EPHX4: variants seen among roughly 807,000 people sequenced by gnomAD.
EPHX4 encodes the protein epoxide hydrolase 4.
Under a neutral mutation model 44.9 loss-of-function variants are expected in EPHX4, and 31 were observed. That is an observed-to-expected ratio of 0.69 (90% CI 0.52 to 0.93). The LOEUF is 0.93. Among genes scored for constraint, EPHX4 ranks in the 40% least tolerant of loss-of-function variants. The pLI, the probability that EPHX4 is intolerant of heterozygous loss-of-function variation, is 0.00. For missense variants in EPHX4, 373 were observed against 438.1 expected (o/e 0.85, Z 1.33); for synonymous variants, 151 against 159.7 (o/e 0.95, Z 0.41).
intron 6 of EPHX4, among the ~76,000 whole-genome samples, chr1:92,060,860 T>C (rs1453027693): frequency 6.6e-6 from 1 of 152,018 alleles, no homozygotes; most frequent in East Asian, 1.9e-4. Context: ...TGCTCTAGAA[T>C]GTAAGTGGCT....
intron 2 of EPHX4, among the ~76,000 whole-genome samples, chr1:92,037,360 A>G (rs137898769): frequency 4.9e-4 from 75 of 152,354 alleles, no homozygotes; most frequent in Non-Finnish European, 9.1e-4. Context: ...GCTGTTACAC[A>G]GCAACAATAA....
chr1:92,039,763 C>G (rs1404986378), intron 2 of EPHX4, among the ~76,000 whole-genome samples: 5 of 152,068 alleles, frequency 3.3e-5, no homozygotes, highest in Non-Finnish European at 5.9e-5. Flanking sequence ...AAGCGATTCT[C>G]CTGCCTCAGC....
At position 92,055,012 on chromosome 1, in the gene EPHX4, G is replaced by A. The variant is rs1442442380; in HGVS notation, c.857+2354G>A. ...TGTATATATATGCTAATAATTTTTT[G>A]TGATAAAATAATAGAAATAGAATAG... On this transcript the variant is annotated intron_variant, in intron 6 of 6. Coordinates refer to ENST00000370383, the MANE Select transcript of EPHX4 (RefSeq NM_173567.5). 2.0e-5 allele frequency among the ~76,000 whole-genome samples: 3 copies of A among 152,148 alleles called. No homozygotes were observed. In the East Asian group the frequency reaches 5.8e-4, roughly 29 times the overall value.
At chr1:92,033,555 C>A (rs1445374029) in intron 2 of EPHX4, among the ~76,000 whole-genome samples, 2 of 152,008 alleles carry the variant, frequency 1.3e-5, no homozygotes, top group African/African-American at 4.8e-5. Context: ...CTTATGGAAA[C>A]TGAAAATGAA....
chr1:92,051,404 A>T (rs1189613045), intron 5 of EPHX4, among the ~76,000 whole-genome samples: 1 of 152,098 alleles, frequency 6.6e-6, no homozygotes, highest in African/African-American at 2.4e-5. Context: ...CCTTGTATTT[A>T]GTTGTTATGG....
chr1:92,055,079 G>C (rs1380963861), intron 6 of EPHX4, among the ~76,000 whole-genome samples: 4 of 152,058 alleles, frequency 2.6e-5, no homozygotes, highest in Non-Finnish European at 5.9e-5. Flanking sequence ...AAAATGATCA[G>C]TTAAAAACTG....
intron 2 of EPHX4, among the ~76,000 whole-genome samples, chr1:92,036,550 A>G (rs1688439887): frequency 6.6e-6 from 1 of 152,202 alleles, no homozygotes; most frequent in South Asian, 2.1e-4. Context: ...GTTTTTGGGA[A>G]GCTCCTAGAA....
chr1:92,060,118 T>A (rs1647463059), intron 6 of EPHX4, among the ~76,000 whole-genome samples: 1 of 151,972 alleles, frequency 6.6e-6, no homozygotes. Context: ...TGCAATATCA[T>A]AAGGTTATTG....
chr1:92,032,478 C>G, intron 1 of EPHX4, 27 bp from the exon 2 acceptor site: 2 of 1,575,838 alleles, frequency 1.3e-6, no homozygotes, highest in Non-Finnish European at 1.7e-6. Flanking sequence ...ACAAACATCA[C>G]TAAAATTCCA....
chr1:92,043,599 C>T (rs1688543083), intron 3 of EPHX4: 1 of 152,094 alleles, frequency 6.6e-6, no homozygotes, highest in Non-Finnish European at 1.5e-5. Flanking sequence ...GATGCACTTG[C>T]ATTATTTCTG....
In EPHX4 at chr1:92,039,037, A is replaced by G. The variant is rs145231689; in HGVS notation, c.318-3786A>G. 4.8e-4 allele frequency among the ~76,000 whole-genome samples: 73 copies of G among 152,362 alleles called. 1 individual carries two copies. The East Asian group carries it at 0.014, about 29-fold the overall frequency. On this transcript the variant is annotated intron_variant, in intron 2 of 6. Coordinates refer to ENST00000370383, the MANE Select transcript of EPHX4 (RefSeq NM_173567.5). Reference sequence around the variant, plus strand: ...AGATCAATATTACCATACAAGAAGCACTTAGAATTGGGCCTGGTATGTAGT... The same window carrying G: ...AGATCAATATTACCATACAAGAAGCGCTTAGAATTGGGCCTGGTATGTAGT...
At chr1:92,031,096 T>G (rs1407751921) in intron 1 of EPHX4, among the ~76,000 whole-genome samples, 2 of 152,164 alleles carry the variant, frequency 1.3e-5, no homozygotes. Flanking sequence ...ACCAAGTCCT[T>G]ATTTCCTGTT....
At chr1:92,062,979 C>T in intron 6 of EPHX4, 76 bp from the exon 7 acceptor site, 1 of 1,264,614 alleles carries the variant, frequency 7.9e-7, no homozygotes, top group South Asian at 1.3e-5. Context: ...GAATGTATGA[C>T]CTACTGGGGC....
intron 1 of EPHX4, among the ~76,000 whole-genome samples, 185 bp from the exon 2 acceptor site, chr1:92,032,320 T>C (rs1688372613): frequency 6.6e-6 from 1 of 152,226 alleles, no homozygotes; most frequent in South Asian, 2.1e-4. Context: ...TTTTGAAAAT[T>C]AATAAAAGTA....
rs773202764 is a variant in EPHX4 at position 92,042,944 on chromosome 1, C to T, written c.439C>T (p.Leu147=). The change falls in exon 3 of 7, where the codon CTA becomes TTA. Residue 147 remains leucine (L), a synonymous_variant. Transcript: ENST00000370383. ...IHRQNYKLDC[L]ITDIKDILDS... is the part of the protein sequence containing the mutation. ...TCGACAGAATTATAAATTGGATTGT[C>T]TAATTACAGATATAAAGGATATTTT... is the stretch of plus-strand genomic sequence containing the variant. 6.2e-7 allele frequency: 1 copy of T among 1,611,864 alleles called. No homozygotes were observed. Among genetic ancestry groups the T allele is most frequent in the Non-Finnish European group, 8.5e-7 (1 of 1,178,614 alleles).
At chr1:92,045,203 C>G (rs1688566223) in intron 3 of EPHX4, among the ~76,000 whole-genome samples, 1 of 151,832 alleles carries the variant, frequency 6.6e-6, no homozygotes, top group Non-Finnish European at 1.5e-5. Flanking sequence ...CCAGGCTGGT[C>G]TCGAACTCCT....
At chr1:92,054,387 G>A (rs960302751) in intron 6 of EPHX4, among the ~76,000 whole-genome samples, 4 of 152,000 alleles carry the variant, frequency 2.6e-5, no homozygotes, top group African/African-American at 7.2e-5. Flanking sequence ...TCAGGAGTTC[G>A]AGACCAGTCT....
At position 92,039,934 on chromosome 1, in the gene EPHX4, G is replaced by A. The variant is rs147983291; in HGVS notation, c.318-2889G>A. 6.2e-3 allele frequency among the ~76,000 whole-genome samples: 942 copies of A among 152,256 alleles called. 10 individuals carry two copies. The highest frequency in any genetic ancestry group is 0.021 in the African/African-American group (887 of 41,548). Reference sequence around the variant, plus strand: ...CTTCCAAAGTGCTAGGATTACAGGCGTGAGCCACTGCGCCCAGCCAGAAGA... The same window carrying A: ...CTTCCAAAGTGCTAGGATTACAGGCATGAGCCACTGCGCCCAGCCAGAAGA... On this transcript the variant is annotated intron_variant, in intron 2 of 6. Coordinates refer to ENST00000370383, the MANE Select transcript of EPHX4 (RefSeq NM_173567.5).
Position 92,063,092 on chromosome 1 carries a change from A to G in EPHX4, c.895A>G (p.Thr299Ala). Reference protein sequence around the residue: ...PLKHHMVTTPTLLLWGENDAF... With the variant: ...PLKHHMVTTPALLLWGENDAF... ...CAAACATCACATGGTGACCACTCCA[A>G]CACTACTACTGTGGGGAGAGAATGA... Residue 299 changes from threonine (T) to alanine (A), a missense_variant, in exon 7 of 7, where the codon ACA becomes GCA. Transcript: ENST00000370383. 6.2e-7 allele frequency: 1 copy of G among 1,614,056 alleles called. No individual in the cohort carries two copies. Among genetic ancestry groups the G allele is most frequent in the Non-Finnish European group, 8.5e-7 (1 of 1,179,992 alleles).
Sources: gnomAD v4.1 joint callset for allele counts (sites outside exome capture counted in the v4.1 genomes callset) on GRCh38, gnomAD v4.1.1 for gene constraint, MANE v1.5 for transcripts, NCBI Gene and HGNC (gene_info 2026-07-23, HGNC 2026-07-21) for gene names.